RSPH3: variants seen among roughly 807,000 people sequenced by gnomAD.
RSPH3 encodes the protein radial spoke head protein 3 homolog.
RSPH3 carries 21 observed loss-of-function variants against 43.8 expected under a neutral mutation model. That is an observed-to-expected ratio of 0.48 (90% CI 0.34 to 0.69). The LOEUF is 0.69. Ranked by LOEUF, RSPH3 falls within the 30% of genes least tolerant of loss-of-function variation. The pLI, the probability that RSPH3 is intolerant of heterozygous loss-of-function variation, is 0.01. For synonymous variants in RSPH3, 173 were observed against 179.8 expected (o/e 0.96, Z 0.30); for missense variants, 487 against 516.0 (o/e 0.94, Z 0.54).
chr6:158,978,153 C>T (rs1777913314), intron 7 of RSPH3, 107 bp downstream of exon 7: 2 of 718,330 alleles, frequency 2.8e-6, no homozygotes, highest in South Asian at 1.7e-5. Flanking sequence ...AATTGATATA[C>T]TAAAAGTTTA....
rs1777871996 is a variant in RSPH3 at position 158,977,190 on chromosome 6, GA to G, written c.*347del. ...CTATATGGCTGACAGCACTGATATT[GA>G]ACATTAAATATCATACTTACTAAAA... On this transcript the variant is annotated 3_prime_UTR_variant, in exon 8 of 8. Transcript: ENST00000367069. 4.8e-6 allele frequency: 1 copy of G among 210,090 alleles called. No individual in the cohort carries two copies. Among genetic ancestry groups the G allele is most frequent in the Non-Finnish European group, 9.5e-6 (1 of 105,448 alleles). 13.0% of individuals were successfully genotyped at this position (210,090 alleles called of 1,614,324 possible).
Position 158,982,376 on chromosome 6 carries a change from A to G in RSPH3, c.696+109T>C, listed in dbSNP as rs568784549. ...AAAATACTATAGATCTTTTTCTAAT[A>G]TATTCCCAAAGATCTTTAGTTTTAT... On this transcript the variant is annotated intron_variant, in intron 5 of 7. Coordinates refer to ENST00000367069, the MANE Select transcript of RSPH3 (RefSeq NM_031924.8). 6.0e-6 allele frequency: 4 copies of G among 671,090 alleles called. No individual in the cohort carries two copies. The South Asian group carries it at 9.5e-5, about 16-fold the overall frequency. 41.6% of individuals were successfully genotyped at this position (671,090 alleles called of 1,614,324 possible).
intron 7 of RSPH3, 136 bp from the exon 8 acceptor site, chr6:158,977,984 G>A: frequency 2.8e-6 from 2 of 720,624 alleles, no homozygotes. Context: ...ACCTTTTTTG[G>A]AAGTCAGCAT....
chr6:158,980,687 C>T (rs1030417582), intron 6 of RSPH3, 87 bp downstream of exon 6: 8 of 1,128,838 alleles, frequency 7.1e-6, no homozygotes, highest in Non-Finnish European at 8.9e-6. Flanking sequence ...GACTCCAATT[C>T]AAAATAAAAA....
chr6:158,993,018 A>G (rs1301872572), intron 2 of RSPH3, among the ~76,000 whole-genome samples: 2 of 152,238 alleles, frequency 1.3e-5, no homozygotes, highest in Non-Finnish European at 2.9e-5. Context: ...GCTAGTGTCT[A>G]TAAACTATTT....
Position 159,000,123 on chromosome 6 carries a change from C to G in RSPH3, c.-573G>C. On this transcript the variant is annotated 5_prime_UTR_variant, in exon 1 of 8. Transcript: ENST00000367069. ...GGCTGTTTCTCCTGCCGCGGCGCAG[C>G]AGCGCTCCCAGGCTGCCCCCGCGAT... is the stretch of plus-strand genomic sequence containing the variant. 1 of 833,010 alleles carries G rather than the reference C, an allele frequency of 1.2e-6. No individual in the cohort carries two copies. The highest frequency in any genetic ancestry group is 1.8e-6 in the Non-Finnish European group (1 of 561,330). 51.6% of individuals were successfully genotyped at this position (833,010 alleles called of 1,614,324 possible).
downstream of RSPH3, among the ~76,000 whole-genome samples, chr6:158,971,284 C>A (rs1283013139): frequency 6.6e-6 from 1 of 152,138 alleles, no homozygotes; most frequent in Non-Finnish European, 1.5e-5. Flanking sequence ...AAGATTCAAT[C>A]ATTTTTCTTT....
Position 158,982,588 on chromosome 6 carries a change from G to A in RSPH3, c.593C>T (p.Ala198Val). The A allele has an allele frequency of 1.9e-6, 3 of 1,613,724 alleles. No individual in the cohort carries two copies. The highest frequency in any genetic ancestry group is 2.5e-6 in the Non-Finnish European group (3 of 1,179,908). ...LLEVMEEEELANLRASQREYE... is the reference protein window; with the variant it reads ...LLEVMEEEELVNLRASQREYE... Reference sequence around the variant, plus strand: ...CTCACGCTGACTGGCCCGCAGGTTAGCCAGCTCTTCTTCTTCCATTACTTC... The same window carrying A: ...CTCACGCTGACTGGCCCGCAGGTTAACCAGCTCTTCTTCTTCCATTACTTC... The change falls in exon 5 of 8, where the codon GCT becomes GTT. Residue 198 changes from alanine (A) to valine (V), a missense_variant. Physicochemically the swap from Ala to Val is moderately conservative, Grantham distance 64. Coordinates refer to ENST00000367069, the MANE Select transcript of RSPH3 (RefSeq NM_031924.8).
At chr6:158,984,473 T>TATA (rs1164216163) in intron 3 of RSPH3, among the ~76,000 whole-genome samples, 3 of 128,430 alleles carry the variant, frequency 2.3e-5, no homozygotes, top group African/African-American at 8.9e-5. Flanking sequence ...TATATATATA[T>TATA]ATTTGAGTCC....
chr6:158,994,877 A>G (rs1227103051), intron 1 of RSPH3, among the ~76,000 whole-genome samples: 3 of 152,132 alleles, frequency 2.0e-5, no homozygotes, highest in Admixed American at 2.0e-4. Flanking sequence ...TATTGAAGCC[A>G]CTATTGAACA....
intron 6 of RSPH3, among the ~76,000 whole-genome samples, chr6:158,978,775 G>C (rs541392298): frequency 9.3e-4 from 141 of 152,244 alleles, no homozygotes; most frequent in Middle Eastern, 6.8e-3. Context: ...TCCTGACATC[G>C]TGATTCACCC....
downstream of RSPH3, among the ~76,000 whole-genome samples, chr6:158,967,955 T>C (rs1777648284): frequency 6.6e-6 from 1 of 152,220 alleles, no homozygotes; most frequent in Admixed American, 6.5e-5. Context: ...TCAACCAATT[T>C]GTGTCTTTGA....
At chr6:158,967,546 C>A in the RSPH3 span, among the ~76,000 whole-genome samples, 1 of 152,056 alleles carries the variant, frequency 6.6e-6, no homozygotes, top group African/African-American at 2.4e-5. Flanking sequence ...TCCATGTGCA[C>A]TTGAGAAGAA....
rs1778797119 is a variant in RSPH3, at chr6:158,999,815, C to A, written c.-265G>T. ...AGCAACCCAGGGTTCTGTCTGGGGG[C>A]GGGAACTCCGGGCAGTTCCGGTCCC... On this transcript the variant is annotated 5_prime_UTR_variant, in exon 1 of 8. Transcript: ENST00000367069. The A allele has an allele frequency of 5.0e-6, 8 of 1,613,390 alleles. No individual in the cohort carries two copies. The highest frequency in any genetic ancestry group is 6.8e-6 in the Non-Finnish European group (8 of 1,179,762).
intron 6 of RSPH3, 52 bp from the exon 7 acceptor site, chr6:158,978,398 C>T: frequency 1.1e-6 from 1 of 896,882 alleles, no homozygotes; most frequent in Non-Finnish European, 1.8e-6. Flanking sequence ...GAATAATGCG[C>T]TTTTCTCTTA....
chr6:158,984,434 T>TTATATATA lies in RSPH3; in HGVS notation c.347-635_347-628dup, dbSNP rs55999313. Among the ~76,000 whole-genome samples the TTATATATA allele has an allele frequency of 8.9e-3, 567 of 63,528 alleles. 11 individuals carry two copies. The highest frequency in any genetic ancestry group is 0.013 in the African/African-American group (162 of 12,256). 41.7% of individuals were successfully genotyped at this position (63,528 alleles called of 152,430 possible). ...AGTACAACAGTGGATAAAAAGTCAA[T>TTATATATA]TATATATATATATATATATATATAT... On this transcript the variant is annotated intron_variant, in intron 3 of 7. Transcript: ENST00000367069.
chr6:158,998,287 T>TA (rs1200643752), intron 1 of RSPH3, among the ~76,000 whole-genome samples: 1 of 23,228 alleles, frequency 4.3e-5, no homozygotes, highest in East Asian at 1.2e-3. Context: ...CCGTCTCTAC[T>TA]AAAAAAATAC....
chr6:158,976,518 T>C lies in RSPH3; in HGVS notation c.*1020A>G, dbSNP rs1777844405. The C allele has an allele frequency of 6.6e-6, 1 of 152,164 alleles. No individual in the cohort carries two copies. Among genetic ancestry groups the C allele is most frequent in the Non-Finnish European group, 1.5e-5 (1 of 68,036 alleles). The allele number at this position is 152,164 out of a possible 1,614,324, so 9.4% of individuals were successfully genotyped here. A position where few individuals can be genotyped will look rare whatever the true frequency, so the allele number is the denominator to read the frequency against. ...TTTATATAAAGAAAATCAAGCTATA[T>C]ATTTCTAGATTTTCAAATACATTTG... On this transcript the variant is annotated 3_prime_UTR_variant, in exon 8 of 8. Coordinates refer to ENST00000367069, the MANE Select transcript of RSPH3 (RefSeq NM_031924.8).
Position 158,976,850 on chromosome 6 carries a change from C to T in RSPH3, c.*688G>A, listed in dbSNP as rs1019088038. On this transcript the variant is annotated 3_prime_UTR_variant, in exon 8 of 8. Transcript: ENST00000367069. ...TTTTTTTTTGAGACGGAGTTTTGCT[C>T]TTGTTGCCCAGGCTGGAGTGCAATG... 2.6e-5 allele frequency: 4 copies of T among 152,082 alleles called. No individual in the cohort carries two copies. The highest frequency in any genetic ancestry group is 9.7e-5 in the African/African-American group (4 of 41,198). 9.4% of individuals were successfully genotyped at this position (152,082 alleles called of 1,614,324 possible).
Sources: allele counts gnomAD v4.1 joint callset (sites outside exome capture counted in the v4.1 genomes callset), GRCh38; gene constraint gnomAD v4.1.1; transcripts MANE v1.5; gene names NCBI Gene and HGNC (gene_info 2026-07-23, HGNC 2026-07-21).